Variants in SLC2A9 observed in about 807,000 individuals in gnomAD.
SLC2A9 encodes the protein solute carrier family 2, facilitated glucose transporter member 9.
A neutral mutation model predicts 50.6 loss-of-function variants in SLC2A9; 39 were observed. That is an observed-to-expected ratio of 0.77 (90% CI 0.60 to 1.01). The LOEUF is 1.01. Ranked by LOEUF, SLC2A9 falls within the 50% of genes least tolerant of loss-of-function variation. The pLI is 0.00. For missense variants in SLC2A9, 686 were observed against 677.6 expected, an observed-to-expected ratio of 1.01 and a Z score of -0.14; for synonymous variants, 324 against 276.9, an observed-to-expected ratio of 1.17 and a Z score of -1.69.
At chr4:9,775,213 G>A (rs1717390475), downstream of SLC2A9, among the ~76,000 whole-genome samples, 1 of 152,208 alleles carries the variant, frequency 6.6e-6, no homozygotes, top group Non-Finnish European at 1.5e-5. Context: ...AAACCTCCAT[G>A]TGACCTCTCC....
chr4:9,789,018 T>C (rs1052121255), intron 3 of SLC2A9, among the ~76,000 whole-genome samples: 2 of 152,234 alleles, frequency 1.3e-5, no homozygotes, highest in African/African-American at 4.8e-5. Context: ...AATGGATACA[T>C]GTATATACAT....
rs925875150 is a variant in SLC2A9 at position 10,018,957 on chromosome 4, G to A, written c.249+18C>T. ...GCAGGGCCGCAGCGCCCTCTGCCGG[G>A]CCTTGGCGCGCACTCACCGGGGTGG... On this transcript the variant is annotated intron_variant, in intron 2 of 11. Transcript: ENST00000264784. The A allele has an allele frequency of 2.6e-6, 4 of 1,548,274 alleles. No homozygotes were observed.
chr4:9,803,217 G>A (rs1721694078), intron 3 of SLC2A9, among the ~76,000 whole-genome samples: 1 of 152,216 alleles, frequency 6.6e-6, no homozygotes, highest in African/African-American at 2.4e-5. Context: ...GTTGTTTGAA[G>A]ATTAAATGTG....
intron 1 of SLC2A9, among the ~76,000 whole-genome samples, chr4:10,020,957 C>T (rs1478403363): frequency 6.6e-6 from 1 of 152,220 alleles, no homozygotes; most frequent in Admixed American, 6.5e-5. Context: ...GGTGCTGCTG[C>T]CCGTGCCATG....
At chr4:9,825,987 G>A (rs1725066330), downstream of SLC2A9, among the ~76,000 whole-genome samples, 1 of 152,196 alleles carries the variant, frequency 6.6e-6, no homozygotes, top group African/African-American at 2.4e-5. Flanking sequence ...TAGAACCTCA[G>A]TCTGTGATCT....
chr4:9,808,667 A>G (rs1378017076), intron 3 of SLC2A9, among the ~76,000 whole-genome samples: 1 of 152,236 alleles, frequency 6.6e-6, no homozygotes, highest in Non-Finnish European at 1.5e-5. Context: ...CCCACAGATA[A>G]AGATTGCCCA....
intron 2 of SLC2A9, among the ~76,000 whole-genome samples, chr4:10,004,172 A>G (rs940724854): frequency 1.3e-5 from 2 of 152,268 alleles, no homozygotes; most frequent in Non-Finnish European, 2.9e-5. Flanking sequence ...ACTGCTAAGT[A>G]TGTATCAGAC....
intron 5 of SLC2A9, among the ~76,000 whole-genome samples, chr4:9,976,957 G>A (rs529374380): frequency 2.6e-5 from 4 of 152,214 alleles, no homozygotes; most frequent in South Asian, 2.1e-4. Context: ...TGTGCCAGAC[G>A]CCTGAGAGTT....
At chr4:9,986,253 T>G (rs1756695289) in intron 3 of SLC2A9, among the ~76,000 whole-genome samples, 1 of 152,130 alleles carries the variant, frequency 6.6e-6, no homozygotes, top group Non-Finnish European at 1.5e-5. Context: ...TGCTGACACC[T>G]CAGGGGCATG....
chr4:9,941,996 A>T lies in SLC2A9; in HGVS notation c.731T>A (p.Val244Asp), dbSNP rs1331193100. 4 of 1,614,220 alleles carry T rather than the reference A, an allele frequency of 2.5e-6. No individual in the cohort carries two copies. The South Asian group carries it at 4.4e-5, about 18-fold the overall frequency. Residue 244 changes from valine (V) to aspartate (D), a missense_variant, in exon 6 of 12, where the codon GTC (valine) becomes GAC (aspartate). Physicochemically the swap from Val to Asp is radical, Grantham distance 152. Transcript: ENST00000264784. ...GAGAAAGGGAAGGCTCAGCAGCTGG[A>T]CAACGGCAGGGACCACAATCACTCC... Reference protein sequence around the residue: ...LFGVIVVPAVVQLLSLPFLPD... With the variant: ...LFGVIVVPAVDQLLSLPFLPD...
chr4:9,912,563 T>C (rs906094127), intron 7 of SLC2A9, among the ~76,000 whole-genome samples: 13 of 152,288 alleles, frequency 8.5e-5, no homozygotes, highest in African/African-American at 2.9e-4. Context: ...CCCTCCACAG[T>C]TGGGCATGCC....
chr4:10,000,894 C>G (rs1327532513), intron 2 of SLC2A9, among the ~76,000 whole-genome samples: 1 of 152,154 alleles, frequency 6.6e-6, no homozygotes, highest in Non-Finnish European at 1.5e-5. Context: ...TCATTCTTAA[C>G]TCCTGCCCTT....
chr4:9,979,604 T>G (rs1755369898), intron 5 of SLC2A9, among the ~76,000 whole-genome samples: 1 of 152,034 alleles, frequency 6.6e-6, no homozygotes, highest in African/African-American at 2.4e-5. Flanking sequence ...CCTTACCATG[T>G]GTACCAATAG....
intron 3 of SLC2A9, among the ~76,000 whole-genome samples, chr4:9,988,217 G>A (rs1578205589): frequency 6.6e-6 from 1 of 152,242 alleles, no homozygotes; most frequent in African/African-American, 2.4e-5. Context: ...TCAGATCCTA[G>A]CATATTTTGA....
intron 5 of SLC2A9, among the ~76,000 whole-genome samples, chr4:9,978,164 T>C (rs1398269876): frequency 6.6e-6 from 1 of 152,206 alleles, no homozygotes; most frequent in Non-Finnish European, 1.5e-5. Context: ...AAGAGGACAC[T>C]GGGTCAGAGA....
intron 8 of SLC2A9, among the ~76,000 whole-genome samples, chr4:9,900,144 C>A (rs1739327450): frequency 6.6e-6 from 1 of 152,168 alleles, no homozygotes; most frequent in Non-Finnish European, 1.5e-5. Context: ...ATAGCAGGAG[C>A]ATCGAGTTGG....
intron 10 of SLC2A9, among the ~76,000 whole-genome samples, chr4:9,840,888 G>T (rs1418086726): frequency 5.4e-5 from 8 of 147,640 alleles, no homozygotes; most frequent in African/African-American, 2.0e-4. Flanking sequence ...CAAAGGGGAA[G>T]CAAGACACGT....
intron 6 of SLC2A9, among the ~76,000 whole-genome samples, chr4:9,930,629 T>C (rs79551626): frequency 0.025 from 3,838 of 152,276 alleles, 165 homozygotes; most frequent in African/African-American, 0.087. Flanking sequence ...ATGAAGGTAA[T>C]GAACCTACTC....
intron 6 of SLC2A9, among the ~76,000 whole-genome samples, chr4:9,941,654 C>A (rs545007117): frequency 6.6e-6 from 1 of 152,322 alleles, no homozygotes; most frequent in East Asian, 1.9e-4. Context: ...GTGAGGGAAC[C>A]TGCGTCTTAT....
Sources: gnomAD v4.1 joint callset for allele counts (sites outside exome capture counted in the v4.1 genomes callset) on GRCh38, gnomAD v4.1.1 for gene constraint, MANE v1.5 for transcripts, NCBI Gene and HGNC (gene_info 2026-07-23, HGNC 2026-07-21) for gene names.